Variants in TPST2 observed in about 807,000 individuals in gnomAD.
TPST2 encodes the protein protein-tyrosine sulfotransferase 2.
Under a neutral mutation model 27.8 loss-of-function variants are expected in TPST2, and 16 were observed. That is an observed-to-expected ratio of 0.58 (90% confidence interval 0.39 to 0.88). TPST2 has a LOEUF of 0.88. Ranked by LOEUF, TPST2 falls within the 40% of genes least tolerant of loss-of-function variation. The pLI is 0.00. For synonymous variants in TPST2, 229 were observed against 231.7 expected (o/e 0.99, Z 0.10); for missense variants, 464 against 543.1 (o/e 0.85, Z 1.45).
chr22:26,559,182 A>G lies in TPST2; in HGVS notation c.-160-14507T>C, dbSNP rs532500636. ...GGAGTTCGTGACCAGCCTGGCCAAC[A>G]TGGTGAAACCCTGTCTCTACTAAAA... On this transcript the variant is annotated intron_variant, in intron 1 of 6. Coordinates refer to ENST00000338754, the MANE Select transcript of TPST2 (RefSeq NM_003595.5). Among the ~76,000 whole-genome samples the G allele has an allele frequency of 5.6e-3, 848 of 152,328 alleles. 9 individuals are homozygous for G. Among genetic ancestry groups the G allele is most frequent in the African/African-American group, 0.019 (796 of 41,580 alleles).
chr22:26,546,317 C>A (rs913031202), intron 1 of TPST2, among the ~76,000 whole-genome samples: 1 of 152,156 alleles, frequency 6.6e-6, no homozygotes, highest in Non-Finnish European at 1.5e-5. Flanking sequence ...AGCAGGCCAC[C>A]CCCAAACTAT....
chr22:26,535,363 A>C (rs920946941), intron 4 of TPST2, among the ~76,000 whole-genome samples: 1 of 152,236 alleles, frequency 6.6e-6, no homozygotes, highest in Admixed American at 6.5e-5. Context: ...ATATTTGCCT[A>C]TAAGGAAGTT....
intron 1 of TPST2, among the ~76,000 whole-genome samples, chr22:26,551,877 C>CTT (rs1232725988): frequency 1.8e-5 from 2 of 110,452 alleles, no homozygotes; most frequent in Non-Finnish European, 3.8e-5. Context: ...CTTTTCTTTT[C>CTT]TTTTTCTTTT....
At chr22:26,536,917 A>G (rs1394950588) in intron 3 of TPST2, among the ~76,000 whole-genome samples, 2 of 152,088 alleles carry the variant, frequency 1.3e-5, no homozygotes, top group African/African-American at 2.4e-5. Flanking sequence ...CATGGTAACA[A>G]GCGCCTGTAG....
At chr22:26,528,164 C>T (rs545479589) in intron 6 of TPST2, 50 bp downstream of exon 6, 47 of 1,550,820 alleles carry the variant, frequency 3.0e-5, no homozygotes, top group East Asian at 4.9e-5. Context: ...AAAGTGGCTC[C>T]GGGGCCACCC....
chr22:26,582,225 G>A (rs1373711536), intron 1 of TPST2, among the ~76,000 whole-genome samples: 1 of 152,162 alleles, frequency 6.6e-6, no homozygotes, highest in Non-Finnish European at 1.5e-5. Flanking sequence ...TCAGGAGTTT[G>A]AGACCAGGCT....
intron 1 of TPST2, among the ~76,000 whole-genome samples, chr22:26,566,131 T>A (rs1044886206): frequency 6.6e-6 from 1 of 152,162 alleles, no homozygotes; most frequent in African/African-American, 2.4e-5. Flanking sequence ...GTTAATAAAC[T>A]CCTGGCCAGG....
chr22:26,536,055 G>A lies in TPST2; in HGVS notation c.1041+233C>T, dbSNP rs913747726. On this transcript the variant is annotated intron_variant, in intron 4 of 6. Coordinates refer to ENST00000338754, the MANE Select transcript of TPST2 (RefSeq NM_003595.5). Reference sequence around the variant, plus strand: ...AAATTAGTGTACAAGCTGGCCTGCTGTTAGATGTTAGAGTATGAGAGACAG... The same window carrying A: ...AAATTAGTGTACAAGCTGGCCTGCTATTAGATGTTAGAGTATGAGAGACAG... 9 of 689,530 alleles carry A rather than the reference G, an allele frequency of 1.3e-5. No homozygotes were observed. In the Admixed American group the frequency reaches 1.4e-4, roughly 11 times the overall value. 42.7% of individuals were successfully genotyped at this position (689,530 alleles called of 1,614,324 possible). A position where few individuals can be genotyped will look rare whatever the true frequency, so the allele number is the denominator to read the frequency against.
Position 26,560,424 on chromosome 22 carries a change from T to C in TPST2, c.-160-15749A>G. The stretch of plus-strand genomic sequence containing the variant: ...CTTTTGTAAGGATTAAATAAGATAT[T>C]GTGCATTGCAGTACACTGAGCTCCA... On this transcript the variant is annotated intron_variant, in intron 1 of 6. Coordinates refer to ENST00000338754, the MANE Select transcript of TPST2 (RefSeq NM_003595.5). 6.1e-6 allele frequency: 4 copies of C among 656,848 alleles called. 1 individual carries two copies. The South Asian group carries it at 7.3e-5, about 12-fold the overall frequency. 40.7% of individuals were successfully genotyped at this position (656,848 alleles called of 1,614,324 possible).
intron 2 of TPST2, among the ~76,000 whole-genome samples, chr22:26,542,423 C>T (rs1188421811): frequency 1.3e-5 from 2 of 151,898 alleles, no homozygotes; most frequent in South Asian, 2.1e-4. Flanking sequence ...GTGATCCTCC[C>T]GCCTCAGCCT....
At chr22:26,577,300 G>C (rs1403069027) in intron 1 of TPST2, among the ~76,000 whole-genome samples, 3 of 147,188 alleles carry the variant, frequency 2.0e-5, no homozygotes, top group African/African-American at 7.4e-5. Context: ...CATGCATATA[G>C]TGCTTACTGT....
At chr22:26,531,039 G>A (rs1457471911) in intron 5 of TPST2, among the ~76,000 whole-genome samples, 1 of 147,406 alleles carries the variant, frequency 6.8e-6, no homozygotes, top group African/African-American at 2.4e-5. Context: ...AAAACAAAAG[G>A]GTTGGGCCAG....
chr22:26,554,190 T>C (rs1007187150), intron 1 of TPST2, among the ~76,000 whole-genome samples: 1 of 152,180 alleles, frequency 6.6e-6, no homozygotes, highest in Non-Finnish European at 1.5e-5. Flanking sequence ...AGCTCTTAAC[T>C]ACCTCTTCCA....
At chr22:26,539,808 A>C (rs534362269) in intron 3 of TPST2, among the ~76,000 whole-genome samples, 5 of 152,256 alleles carry the variant, frequency 3.3e-5, no homozygotes, top group Admixed American at 6.5e-5. Flanking sequence ...CCCAAAAAAC[A>C]GACCTGGGTT....
chr22:26,583,550 C>T (rs1012070516), intron 1 of TPST2, among the ~76,000 whole-genome samples: 1 of 130,512 alleles, frequency 7.7e-6, no homozygotes, highest in Non-Finnish European at 1.7e-5. Flanking sequence ...GCTCTTGGAG[C>T]GTGTCAAAAA....
chr22:26,565,301 C>A (rs559065006), intron 1 of TPST2: 4 of 152,554 alleles, frequency 2.6e-5, no homozygotes, highest in Admixed American at 1.3e-4. Flanking sequence ...GTGGGGACCA[C>A]CAGGAGCTGG....
chr22:26,540,018 T>C (rs1052777395), intron 3 of TPST2, among the ~76,000 whole-genome samples: 1 of 152,148 alleles, frequency 6.6e-6, no homozygotes, highest in Non-Finnish European at 1.5e-5. Context: ...TAAATGACAA[T>C]GGTGAGGATG....
chr22:26,544,745 A>G, intron 1 of TPST2, 70 bp from the exon 2 acceptor site: 2 of 902,880 alleles, frequency 2.2e-6, no homozygotes, highest in Non-Finnish European at 2.7e-6. Context: ...TCAAAGAGGC[A>G]GAGTGAGGGT....
At chr22:26,586,644 A>C (rs1928358368) in intron 1 of TPST2, among the ~76,000 whole-genome samples, 1 of 148,702 alleles carries the variant, frequency 6.7e-6, no homozygotes, top group African/African-American at 2.5e-5. Flanking sequence ...TGCCAGATAC[A>C]GCGGCTGGGA....
Sources: gnomAD v4.1 joint callset for allele counts (sites outside exome capture counted in the v4.1 genomes callset) on GRCh38, gnomAD v4.1.1 for gene constraint, MANE v1.5 for transcripts, NCBI Gene and HGNC (gene_info 2026-07-23, HGNC 2026-07-21) for gene names.